The following TTC23 variants were observed in gnomAD, a reference collection of about 807,000 sequenced individuals.
TTC23 encodes the protein tetratricopeptide repeat protein 23.
A neutral mutation model predicts 55.1 loss-of-function variants in TTC23; 58 were observed. The ratio of observed to expected loss-of-function variants is 1.05; its 90% CI spans 0.85 to 1.31. The LOEUF is 1.31. TTC23 is among the 50% of genes most tolerant of loss of function. TTC23 has a pLI of 0.00. For synonymous variants in TTC23, 203 were observed against 199.9 expected (o/e 1.02, Z -0.13); for missense variants, 516 against 534.4 (o/e 0.97, Z 0.34).
chr15:99,238,158 G>T (rs2079480820), intron 3 of TTC23, among the ~76,000 whole-genome samples: 1 of 151,728 alleles, frequency 6.6e-6, no homozygotes, highest in African/African-American at 2.4e-5. Context: ...CAGTAGAGAT[G>T]GGGTTTCACC....
intron 10 of TTC23, among the ~76,000 whole-genome samples, chr15:99,170,495 T>C (rs577579447): frequency 3.3e-5 from 5 of 152,262 alleles, no homozygotes; most frequent in African/African-American, 1.2e-4. Flanking sequence ...GATTCCCCCT[T>C]GGTGCTGGGT....
Position 99,214,730 on chromosome 15 carries a change from T to G in TTC23, c.581+3858A>C, listed in dbSNP as rs551192916. ...AGGTGTGAGCCACCACACCCAGCCA[T>G]ATCTTATGATTCTAGTTTTCATTTT... On this transcript the variant is annotated intron_variant, in intron 8 of 13. Coordinates refer to ENST00000394132, the MANE Select transcript of TTC23 (RefSeq NM_001288615.3). Among the ~76,000 whole-genome samples, 5 of 151,972 alleles carry G rather than the reference T, an allele frequency of 3.3e-5. No individual in the cohort carries two copies. The South Asian group carries it at 1.0e-3, about 32-fold the overall frequency.
chr15:99,147,122 C>T (rs1555493949), intron 12 of TTC23, among the ~76,000 whole-genome samples: 5 of 150,246 alleles, frequency 3.3e-5, no homozygotes, highest in Admixed American at 2.6e-4. Context: ...ACCATGTTGG[C>T]CAGTCTAGTC....
chr15:99,220,052 G>T (rs2077794024), intron 6 of TTC23, among the ~76,000 whole-genome samples: 1 of 152,210 alleles, frequency 6.6e-6, no homozygotes, highest in Non-Finnish European at 1.5e-5. Flanking sequence ...CACAAAGCAT[G>T]TTGGACTGTA....
intron 11 of TTC23, chr15:99,157,191 C>T (rs1375543330): frequency 2.2e-5 from 3 of 136,926 alleles, no homozygotes; most frequent in Non-Finnish European, 4.6e-5. Flanking sequence ...CATTTTACAA[C>T]AGCAGGTGGA....
At chr15:99,185,451 T>C (rs746123658) in intron 9 of TTC23, among the ~76,000 whole-genome samples, 2 of 152,152 alleles carry the variant, frequency 1.3e-5, no homozygotes, top group Non-Finnish European at 1.5e-5. Context: ...AAGCTGTCAG[T>C]AGAGCAACTG....
intron 1 of TTC23, among the ~76,000 whole-genome samples, chr15:99,245,850 G>C (rs564478603): frequency 7.1e-6 from 1 of 140,412 alleles, no homozygotes; most frequent in Non-Finnish European, 1.5e-5. Context: ...ACAGACTCTC[G>C]CTGGAGTGCA....
chr15:99,151,681 C>G (rs3213993), intron 12 of TTC23, among the ~76,000 whole-genome samples: 6,608 of 152,300 alleles, frequency 0.043, 296 homozygotes, highest in African/African-American at 0.11. Context: ...CCCAAAGACT[C>G]CTACTGTCCC....
At chr15:99,243,504 T>C (rs1382247272) in intron 2 of TTC23, among the ~76,000 whole-genome samples, 1 of 152,046 alleles carries the variant, frequency 6.6e-6, no homozygotes, top group African/African-American at 2.4e-5. Context: ...TCCATATATA[T>C]CCAAAAGAAA....
chr15:99,223,994 C>T (rs553926043), intron 5 of TTC23, among the ~76,000 whole-genome samples: 1 of 152,168 alleles, frequency 6.6e-6, no homozygotes. Context: ...CTAGGATGCA[C>T]GCCCATCAAT....
At chr15:99,151,827 C>A (rs1555497074) in intron 12 of TTC23, among the ~76,000 whole-genome samples, 1 of 152,184 alleles carries the variant, frequency 6.6e-6, no homozygotes, top group Non-Finnish European at 1.5e-5. Context: ...GCGATGCCGA[C>A]CACCTGGCCA....
At chr15:99,154,207 G>A (rs1670223) in intron 12 of TTC23, among the ~76,000 whole-genome samples, 49,523 of 152,064 alleles carry the variant, frequency 0.33, 9,743 homozygotes, top group African/African-American at 0.56. Flanking sequence ...AAGATAAGGT[G>A]AACTTCCAAA....
intron 8 of TTC23, among the ~76,000 whole-genome samples, chr15:99,217,280 C>G (rs1057384174): frequency 6.6e-6 from 1 of 151,908 alleles, no homozygotes; most frequent in African/African-American, 2.4e-5. Flanking sequence ...GCCTCAGCCT[C>G]CTGAGTAGCT....
intron 9 of TTC23, among the ~76,000 whole-genome samples, chr15:99,183,792 A>G (rs897433711): frequency 6.6e-6 from 1 of 152,168 alleles, no homozygotes; most frequent in Non-Finnish European, 1.5e-5. Context: ...AGTAACGAGG[A>G]GCTGAATGTT....
At chr15:99,235,716 T>G (rs1448232670) in intron 3 of TTC23, among the ~76,000 whole-genome samples, 3 of 152,172 alleles carry the variant, frequency 2.0e-5, no homozygotes, top group Non-Finnish European at 4.4e-5. Flanking sequence ...TTAAGTAAAT[T>G]CACATTGCTG....
At chr15:99,174,195 G>A (rs866133648) in intron 10 of TTC23, among the ~76,000 whole-genome samples, 13 of 152,132 alleles carry the variant, frequency 8.5e-5, no homozygotes, top group African/African-American at 3.1e-4. Context: ...CAGTTCCTCT[G>A]TGGACCGAAG....
intron 11 of TTC23, chr15:99,157,480 G>C (rs1056703283): frequency 5.3e-5 from 8 of 152,088 alleles, no homozygotes; most frequent in African/African-American, 1.9e-4. Context: ...CCAAAGTGCT[G>C]GGATTACAGG....
rs569583055 is a variant in TTC23 at position 99,212,801 on chromosome 15, T to C, written c.581+5787A>G. Among the ~76,000 whole-genome samples the C allele has an allele frequency of 1.8e-4, 27 of 152,016 alleles. No individual in the cohort carries two copies. In the South Asian group the frequency reaches 5.2e-3, roughly 29 times the overall value. ...TCGCTTGAGCCCAGCCTGGGCAATATAGTAGTAAGACCCTGTCTCTACAAA... is the reference window on the plus strand; with the variant it reads ...TCGCTTGAGCCCAGCCTGGGCAATACAGTAGTAAGACCCTGTCTCTACAAA... On this transcript the variant is annotated intron_variant, in intron 8 of 13. Coordinates refer to ENST00000394132, the MANE Select transcript of TTC23 (RefSeq NM_001288615.3).
At chr15:99,183,236 G>A (rs887486059) in intron 9 of TTC23, among the ~76,000 whole-genome samples, 1 of 152,166 alleles carries the variant, frequency 6.6e-6, no homozygotes, top group African/African-American at 2.4e-5. Context: ...AAAGAGACTG[G>A]TGGCTTTTTG....
Sources: allele counts gnomAD v4.1 joint callset (sites outside exome capture counted in the v4.1 genomes callset), GRCh38; gene constraint gnomAD v4.1.1; transcripts MANE v1.5; gene names NCBI Gene and HGNC (gene_info 2026-07-23, HGNC 2026-07-21).